ZNF676: variants seen among roughly 807,000 people sequenced by gnomAD.
The protein encoded by ZNF676 is zinc finger protein 676.
A neutral mutation model predicts 6.0 loss-of-function variants in ZNF676; 4 were observed. That is an observed-to-expected ratio of 0.67 (90% CI 0.33 to 1.53). The LOEUF is 1.53. Among genes scored for constraint, ZNF676 ranks in the 40% most tolerant of loss-of-function variants. ZNF676 has a pLI of 0.06. For missense variants in ZNF676, 644 were observed against 679.7 expected (o/e 0.95, Z 0.58); for synonymous variants, 198 against 223.1 (o/e 0.89, Z 1.00).
the ZNF676 span, among the ~76,000 whole-genome samples, chr19:22,241,206 G>A: frequency 6.6e-6 from 1 of 151,914 alleles, no homozygotes; most frequent in African/African-American, 2.4e-5. Flanking sequence ...GCATACATCA[G>A]AATCACACCA....
chr19:22,185,258 G>C (rs2023820599), intron 2 of ZNF676, among the ~76,000 whole-genome samples: 1 of 152,146 alleles, frequency 6.6e-6, no homozygotes, highest in Non-Finnish European at 1.5e-5. Flanking sequence ...AGGTCTAGCA[G>C]ATCTGCAGCA....
the ZNF676 span, chr19:22,244,010 C>G: frequency 2.0e-5 from 3 of 151,540 alleles, no homozygotes; most frequent in Non-Finnish European, 4.4e-5. Context: ...TGAAACACAC[C>G]AAAGATTGGT....
At chr19:22,248,196 T>C in the ZNF676 span, among the ~76,000 whole-genome samples, 1 of 152,220 alleles carries the variant, frequency 6.6e-6, no homozygotes, top group Non-Finnish European at 1.5e-5. Flanking sequence ...TGAGTAGTGC[T>C]GCAATAAACA....
chr19:22,219,142 A>T (rs1257248716), upstream of ZNF676, among the ~76,000 whole-genome samples: 1 of 150,784 alleles, frequency 6.6e-6, no homozygotes, highest in Non-Finnish European at 1.5e-5. Flanking sequence ...TCTGTCACCC[A>T]GGCTGGAGTG....
chr19:22,216,904 C>T (rs2144844168), upstream of ZNF676, among the ~76,000 whole-genome samples: 1 of 147,372 alleles, frequency 6.8e-6, no homozygotes, highest in South Asian at 2.2e-4. Context: ...CACTGCACTC[C>T]ATTCTGGGTG....
At chr19:22,256,539 G>T in the ZNF676 span, among the ~76,000 whole-genome samples, 2 of 152,160 alleles carry the variant, frequency 1.3e-5, no homozygotes, top group African/African-American at 2.4e-5. Context: ...TTCTCTATAG[G>T]CAGGGTGCAG....
chr19:22,215,263 G>C (rs1317688687), intron 1 of ZNF676, among the ~76,000 whole-genome samples: 1 of 151,982 alleles, frequency 6.6e-6, no homozygotes, highest in Non-Finnish European at 1.5e-5. Context: ...TTTTTAATGG[G>C]AGAATACAGG....
the ZNF676 span, among the ~76,000 whole-genome samples, chr19:22,232,759 G>GA: frequency 2.0e-4 from 30 of 149,452 alleles, no homozygotes; most frequent in Admixed American, 4.0e-4. Flanking sequence ...AACAATAATA[G>GA]AAAAAAAAAC....
At chr19:22,225,398 C>T in the ZNF676 span, among the ~76,000 whole-genome samples, 1 of 151,954 alleles carries the variant, frequency 6.6e-6, no homozygotes, top group Non-Finnish European at 1.5e-5. Flanking sequence ...TTTGTGAAAT[C>T]TGGTACAATA....
the ZNF676 span, among the ~76,000 whole-genome samples, chr19:22,257,384 C>T: frequency 5.3e-5 from 8 of 152,134 alleles, no homozygotes; most frequent in African/African-American, 1.9e-4. Flanking sequence ...TTGGACCCAG[C>T]AATATGTCCA....
At chr19:22,222,591 T>G in the ZNF676 span, among the ~76,000 whole-genome samples, 1 of 152,176 alleles carries the variant, frequency 6.6e-6, no homozygotes, top group African/African-American at 2.4e-5. Context: ...AGTTTTGCAT[T>G]GCATTGGTTT....
the ZNF676 span, among the ~76,000 whole-genome samples, chr19:22,227,804 C>T: frequency 6.6e-6 from 1 of 152,196 alleles, no homozygotes; most frequent in East Asian, 1.9e-4. Context: ...GAAGACTAAA[C>T]CAGGAAGAAG....
At chr19:22,223,611 A>G in the ZNF676 span, among the ~76,000 whole-genome samples, 1 of 151,324 alleles carries the variant, frequency 6.6e-6, no homozygotes, top group Non-Finnish European at 1.5e-5. Context: ...AGATTCAGAC[A>G]TTTAGGATAA....
the ZNF676 span, chr19:22,259,646 A>C: frequency 2.0e-5 from 3 of 152,220 alleles, no homozygotes; most frequent in Non-Finnish European, 4.4e-5. Context: ...AAGAGCTGGC[A>C]TAACAAGATA....
At chr19:22,242,206 G>A in the ZNF676 span, among the ~76,000 whole-genome samples, 3 of 151,978 alleles carry the variant, frequency 2.0e-5, no homozygotes, top group Non-Finnish European at 2.9e-5. Flanking sequence ...TCAGTAGAGA[G>A]TGAGCAGGAT....
intron 1 of ZNF676, among the ~76,000 whole-genome samples, chr19:22,206,797 C>T (rs530406647): frequency 2.6e-5 from 4 of 152,214 alleles, no homozygotes; most frequent in East Asian, 1.9e-4. Flanking sequence ...TCAACATACA[C>T]GAATCAATAA....
chr19:22,194,551 G>C (rs2023947031), intron 1 of ZNF676, among the ~76,000 whole-genome samples: 1 of 152,094 alleles, frequency 6.6e-6, no homozygotes, highest in South Asian at 2.1e-4. Flanking sequence ...ATTTCAAAAA[G>C]GAATGCCACC....
the ZNF676 span, among the ~76,000 whole-genome samples, chr19:22,257,926 G>T: frequency 4.6e-5 from 7 of 152,140 alleles, no homozygotes; most frequent in Admixed American, 3.9e-4. Context: ...TCACCCCAGT[G>T]GGGGAGCACC....
the ZNF676 span, among the ~76,000 whole-genome samples, chr19:22,249,317 G>A: frequency 3.3e-5 from 5 of 152,158 alleles, no homozygotes; most frequent in Admixed American, 2.6e-4. Context: ...GTTTGAGCAA[G>A]TTTTGGAAGG....
Sources: allele counts gnomAD v4.1 joint callset (sites outside exome capture counted in the v4.1 genomes callset), GRCh38; gene constraint gnomAD v4.1.1; transcripts MANE v1.5; gene names NCBI Gene and HGNC (gene_info 2026-07-23, HGNC 2026-07-21).